Variants in FMR1 observed in about 807,000 individuals in gnomAD.
The protein encoded by FMR1 is fragile X messenger ribonucleoprotein 1.
A neutral mutation model predicts 50.6 loss-of-function variants in FMR1; 13 were observed. The ratio of observed to expected loss-of-function variants is 0.26; its 90% CI spans 0.17 to 0.41. FMR1 has a LOEUF of 0.41. FMR1 is among the 10% of genes least tolerant of loss of function. The pLI is 1.00. For missense variants in FMR1, 316 were observed against 491.3 expected, an observed-to-expected ratio of 0.64 and a Z score of 3.37; for synonymous variants, 138 against 164.1, an observed-to-expected ratio of 0.84 and a Z score of 1.22.
Position 147,911,989 on chromosome X carries a change from C to A in FMR1, c.-191C>A, listed in dbSNP as rs1187963126. On this transcript the variant is annotated 5_prime_UTR_variant, in exon 1 of 17. Transcript: ENST00000370475. ...GGCCGCCTCTGAGCGGGCGGCGGGC[C>A]GACGGCGAGCGCGGGCGGCGGCGGT... The A allele has an allele frequency of 1.1e-5, 1 of 87,405 alleles. No individual in the cohort carries two copies. Among genetic ancestry groups the A allele is most frequent in the Non-Finnish European group, 2.4e-5 (1 of 42,551 alleles). 7.2% of individuals were successfully genotyped at this position (87,405 alleles called of 1,213,427 possible).
chrX:147,919,518 A>C (rs2043051393), intron 1 of FMR1, among the ~76,000 whole-genome samples: 1 of 112,610 alleles, frequency 8.9e-6, no homozygotes, highest in South Asian at 3.6e-4. Context: ...GGTCATTTAA[A>C]TATAGCTGAG....
At chrX:147,948,638 C>T (rs782275919) in intron 16 of FMR1, 45 bp from the exon 17 acceptor site, 10 of 1,210,351 alleles carry the variant, frequency 8.3e-6, no homozygotes, top group Non-Finnish European at 1.1e-5. Flanking sequence ...TTACAGATTA[C>T]AGTAGGATAT....
chrX:147,945,035 T>TGGA lies in FMR1; in HGVS notation c.1644_1646dup (p.Gly549dup). On this transcript the variant is annotated inframe_insertion, in exon 15 of 17. Coordinates refer to ENST00000370475, the MANE Select transcript of FMR1 (RefSeq NM_002024.6). ...GAAGAGGACAAGGAGGAAGAGGACG[T>TGGA]GGAGGAGGCTTCAAAGGTATGGAGA... 8.5e-7 allele frequency: 1 copy of TGGA among 1,181,280 alleles called. No individual in the cohort carries two copies. Among genetic ancestry groups the TGGA allele is most frequent in the Non-Finnish European group, 1.1e-6 (1 of 878,664 alleles).
At chrX:147,941,215 T>C (rs1010419895) in intron 13 of FMR1, among the ~76,000 whole-genome samples, 1 of 111,941 alleles carries the variant, frequency 8.9e-6, no homozygotes, top group Non-Finnish European at 1.9e-5. Flanking sequence ...ACGAGGAGGC[T>C]ACAAGGTGTA....
rs782039470 is a variant in FMR1, at chrX:147,929,987, A to G, written c.459A>G (p.Ala153=). ...KEAAHKDFKK[A]VGAFSVTYDP... is the part of the protein sequence containing the mutation. ...CGGCACATAAGGATTTTAAAAAGGC[A>G]GTTGGTGCCTTTTCTGTAACTTATG... Residue 153 remains alanine (A), a synonymous_variant, in exon 6 of 17, where the codon GCA becomes GCG. Coordinates refer to ENST00000370475, the MANE Select transcript of FMR1 (RefSeq NM_002024.6). 6.6e-6 allele frequency: 8 copies of G among 1,205,292 alleles called. No individual in the cohort carries two copies. In the Admixed American group the frequency reaches 1.3e-4, roughly 20 times the overall value.
chrX:147,921,703 A>AT (rs1290441848), intron 1 of FMR1, among the ~76,000 whole-genome samples: 1 of 111,314 alleles, frequency 9.0e-6, no homozygotes, highest in Non-Finnish European at 1.9e-5. Flanking sequence ...TCTGTGGAGA[A>AT]TTTTTTCTCA....
chrX:147,925,379 C>T (rs1186676139), intron 2 of FMR1, among the ~76,000 whole-genome samples, 161 bp from the exon 3 acceptor site: 1 of 111,611 alleles, frequency 9.0e-6, no homozygotes, highest in Non-Finnish European at 1.9e-5. Context: ...ACTATATTGC[C>T]GTTATGTCCC....
At chrX:147,940,415 T>C (rs1219697327) in intron 12 of FMR1, 161 bp from the exon 13 acceptor site, 1 of 480,929 alleles carries the variant, frequency 2.1e-6, no homozygotes, top group Non-Finnish European at 3.8e-6. Flanking sequence ...TAAAGTAGTA[T>C]ATCAACTACT....
At chrX:147,918,016 C>G (rs73606770) in intron 1 of FMR1, among the ~76,000 whole-genome samples, 1,140 of 111,844 alleles carry the variant, frequency 0.01, 19 homozygotes, top group African/African-American at 0.035. Context: ...CTCTCAGGAA[C>G]CTCCTCAACC....
At chrX:147,914,307 A>G (rs2042741948) in intron 1 of FMR1, 1 of 112,356 alleles carries the variant, frequency 8.9e-6, no homozygotes, top group Non-Finnish European at 1.9e-5. Flanking sequence ...TGATGGAAGA[A>G]CAGTTTCTGT....
In FMR1 at chrX:147,943,179, C is replaced by T. The variant is rs782514882; in HGVS notation, c.1324C>T (p.Arg442Ter). 1 of 1,210,264 alleles carries T rather than the reference C, an allele frequency of 8.3e-7. No homozygotes were observed. The highest frequency in any genetic ancestry group is 1.1e-6 in the Non-Finnish European group (1 of 894,475). The change falls in exon 14 of 17, where the codon CGA becomes TGA. Residue 442 changes from arginine to a stop codon, truncating the protein, a stop_gained. Coordinates refer to ENST00000370475, the MANE Select transcript of FMR1 (RefSeq NM_002024.6). LOFTEE classifies it high-confidence loss of function. ...GAGATTACAAATTGATGAGCAGTTG[C>T]GACAGATTGGAGCTAGTTCTAGACC... ...LERLQIDEQL[R>*]QIGASSRPPP...
In FMR1 at chrX:147,949,467, T is replaced by A. The variant is rs1295793424; in HGVS notation, c.*623T>A. 1 of 329,767 alleles carries A rather than the reference T, an allele frequency of 3.0e-6. No individual in the cohort carries two copies. The highest frequency in any genetic ancestry group is 5.9e-6 in the Non-Finnish European group (1 of 170,010). The allele number at this position is 329,767 out of a possible 1,213,427, so 27.2% of individuals were successfully genotyped here. On this transcript the variant is annotated 3_prime_UTR_variant, in exon 17 of 17. Coordinates refer to ENST00000370475, the MANE Select transcript of FMR1 (RefSeq NM_002024.6). ...GGGAAGATAAGTTGGAAACACTAAA[T>A]GTTAAAGATGTAGCAAACCCTGTCA... is the stretch of plus-strand genomic sequence containing the variant.
At chrX:147,916,390 CTCTT>C (rs1167933344) in intron 1 of FMR1, among the ~76,000 whole-genome samples, 1 of 111,261 alleles carries the variant, frequency 9.0e-6, no homozygotes, top group African/African-American at 3.3e-5. Flanking sequence ...TTTATTGTCT[CTCTT>C]TATTCTTTTA....
At chrX:147,920,165 A>G (rs2043087363) in intron 1 of FMR1, among the ~76,000 whole-genome samples, 1 of 112,096 alleles carries the variant, frequency 8.9e-6, no homozygotes, top group African/African-American at 3.2e-5. Context: ...TAGGTCTTTG[A>G]TGCATATTCA....
chrX:147,924,809 C>T (rs782582874), intron 2 of FMR1: 2 of 109,512 alleles, frequency 1.8e-5, no homozygotes, highest in African/African-American at 3.3e-5. Context: ...CTTGAGCCAC[C>T]GCATCCTAAT....
intron 1 of FMR1, among the ~76,000 whole-genome samples, chrX:147,920,135 A>G (rs1460171874): frequency 1.8e-5 from 2 of 112,146 alleles, no homozygotes; most frequent in African/African-American, 3.2e-5. Context: ...CAAGAGTTTT[A>G]TAATTTTAGC....
intron 1 of FMR1, among the ~76,000 whole-genome samples, chrX:147,918,978 A>C (rs782751758): frequency 9.0e-6 from 1 of 111,480 alleles, no homozygotes; most frequent in Non-Finnish European, 1.9e-5. Context: ...TAGATACTTG[A>C]TTTACTTAGA....
At chrX:147,912,721 G>A (rs146302130) in intron 1 of FMR1, 2 of 296,806 alleles carry the variant, frequency 6.7e-6, no homozygotes, top group Non-Finnish European at 1.2e-5. Context: ...TCTCTTTTCC[G>A]GTCTAGCATT....
In FMR1 at chrX:147,932,762, A is replaced by C. The variant is rs782013865; in HGVS notation, c.879A>C (p.Val293=). Residue 293 remains valine (V), a splice_region_variant and synonymous_variant, in exon 9 of 17, where the codon GTA becomes GTC. Coordinates refer to ENST00000370475, the MANE Select transcript of FMR1 (RefSeq NM_002024.6). ...EDVIQVPRNL[V]GKVIGKNGKL... The stretch of plus-strand genomic sequence containing the variant: ...TAATACAAGTTCCAAGGAACTTAGT[A>C]GGTAAGTCAGAAGTATCTGTTGACA... The C allele has an allele frequency of 8.0e-5, 92 of 1,156,395 alleles. No individual in the cohort carries two copies. The East Asian group carries it at 2.7e-3, about 34-fold the overall frequency.
Sources: gnomAD v4.1 joint callset for allele counts (sites outside exome capture counted in the v4.1 genomes callset) on GRCh38, gnomAD v4.1.1 for gene constraint, MANE v1.5 for transcripts, NCBI Gene and HGNC (gene_info 2026-07-23, HGNC 2026-07-21) for gene names.